MAPKAP1: variants seen among roughly 807,000 people sequenced by gnomAD.
MAPKAP1 encodes target of rapamycin complex 2 subunit MAPKAP1.
In MAPKAP1, 20 loss-of-function variants were observed where a neutral mutation model predicts 65.7. That is an observed-to-expected ratio of 0.30 (90% confidence interval 0.21 to 0.44). The LOEUF is 0.44. Ranked by LOEUF, MAPKAP1 falls within the 20% of genes least tolerant of loss-of-function variation. The probability of loss-of-function intolerance (pLI) is 1.00; values close to 1 mark genes in which losing one functional copy is unlikely to be tolerated. For missense variants in MAPKAP1, 423 were observed against 648.0 expected (o/e 0.65, Z 3.77); for synonymous variants, 222 against 244.3 (o/e 0.91, Z 0.85).
chr9:125,571,424 TG>T (rs1214644599), intron 5 of MAPKAP1, among the ~76,000 whole-genome samples: 7 of 152,316 alleles, frequency 4.6e-5, no homozygotes, highest in African/African-American at 1.7e-4. Context: ...CTTTGGAAAT[TG>T]TAAGATTAGA....
At chr9:125,617,296 C>CA (rs1176587015) in intron 4 of MAPKAP1, among the ~76,000 whole-genome samples, 1 of 152,068 alleles carries the variant, frequency 6.6e-6, no homozygotes, top group East Asian at 1.9e-4. Flanking sequence ...CCTGTTGCTA[C>CA]AAAATTTTTT....
At chr9:125,690,589 C>A (rs1037232142) in intron 1 of MAPKAP1, among the ~76,000 whole-genome samples, 1 of 152,216 alleles carries the variant, frequency 6.6e-6, no homozygotes, top group African/African-American at 2.4e-5. Context: ...TGAATTAATA[C>A]ATGTTATGTG....
intron 7 of MAPKAP1, among the ~76,000 whole-genome samples, chr9:125,530,876 T>G (rs1384080501): frequency 6.6e-6 from 1 of 152,252 alleles, no homozygotes; most frequent in African/African-American, 2.4e-5. Context: ...GTGCCTGGCA[T>G]GATAGTGGCA....
intron 6 of MAPKAP1, among the ~76,000 whole-genome samples, chr9:125,556,526 G>T (rs142205160): frequency 6.6e-6 from 1 of 152,198 alleles, no homozygotes; most frequent in African/African-American, 2.4e-5. Context: ...TTGGGATTAA[G>T]TGAGATAGCA....
chr9:125,706,143 G>A (rs1330287823), intron 1 of MAPKAP1, among the ~76,000 whole-genome samples: 2 of 152,116 alleles, frequency 1.3e-5, no homozygotes, highest in Non-Finnish European at 2.9e-5. Flanking sequence ...TACCTTGTGT[G>A]GGCTCATAAA....
At chr9:125,680,487 CA>C (rs1196021364) in intron 1 of MAPKAP1, among the ~76,000 whole-genome samples, 1 of 152,078 alleles carries the variant, frequency 6.6e-6, no homozygotes, top group Non-Finnish European at 1.5e-5. Flanking sequence ...TTTGGACTAG[CA>C]AAAATTGAGC....
chr9:125,631,646 A>T (rs956616609), intron 4 of MAPKAP1, among the ~76,000 whole-genome samples: 2 of 152,208 alleles, frequency 1.3e-5, no homozygotes, highest in Non-Finnish European at 2.9e-5. Flanking sequence ...CCTGCTCCAA[A>T]TACAACTAGC....
intron 6 of MAPKAP1, among the ~76,000 whole-genome samples, chr9:125,553,006 C>T (rs1010945081): frequency 2.6e-5 from 4 of 152,058 alleles, no homozygotes; most frequent in African/African-American, 9.7e-5. Flanking sequence ...CTATATATAT[C>T]TATATGTGCT....
chr9:125,502,931 T>G lies in MAPKAP1; in HGVS notation c.1066+3379A>C, dbSNP rs527835200. 7.1e-4 allele frequency among the ~76,000 whole-genome samples: 80 copies of G among 112,970 alleles called. 2 individuals are homozygous for G. The South Asian group carries it at 0.023, about 33-fold the overall frequency. The allele number at this position is 112,970 out of a possible 152,430, so 74.1% of individuals were successfully genotyped here. A position where few individuals can be genotyped will look rare whatever the true frequency, so the allele number is the denominator to read the frequency against. On this transcript the variant is annotated intron_variant, in intron 8 of 11. Transcript: ENST00000265960. ...ATATTTTTCTTAGTAATTCTTCAGTTTTGTATTATATATTTTGAGCATATA... is the reference window on the plus strand; with the variant it reads ...ATATTTTTCTTAGTAATTCTTCAGTGTTGTATTATATATTTTGAGCATATA...
intron 6 of MAPKAP1, among the ~76,000 whole-genome samples, chr9:125,547,641 CAG>C (rs1830466196): frequency 6.6e-6 from 1 of 152,206 alleles, no homozygotes; most frequent in East Asian, 1.9e-4. Context: ...GCCTCCTAAG[CAG>C]AGACTGCTTA....
intron 10 of MAPKAP1, among the ~76,000 whole-genome samples, chr9:125,461,411 A>G (rs759604724): frequency 6.6e-6 from 1 of 152,202 alleles, no homozygotes; most frequent in Non-Finnish European, 1.5e-5. Context: ...CACCTCATCA[A>G]TCACACTATT....
intron 4 of MAPKAP1, among the ~76,000 whole-genome samples, chr9:125,612,136 T>C (rs770530372): frequency 6.6e-6 from 1 of 152,222 alleles, no homozygotes; most frequent in African/African-American, 2.4e-5. Flanking sequence ...TGTTATTTTT[T>C]GATACATGAG....
intron 3 of MAPKAP1, among the ~76,000 whole-genome samples, chr9:125,666,006 T>C (rs1460458948): frequency 6.6e-6 from 1 of 152,208 alleles, no homozygotes; most frequent in Non-Finnish European, 1.5e-5. Flanking sequence ...ACAGGAGTTA[T>C]GAAAGAAATA....
At chr9:125,515,675 G>A (rs951763766) in intron 7 of MAPKAP1, among the ~76,000 whole-genome samples, 4 of 152,220 alleles carry the variant, frequency 2.6e-5, no homozygotes, top group Non-Finnish European at 4.4e-5. Context: ...AACTAAGTTC[G>A]GCCCTGGCCA....
At chr9:125,703,769 C>CAAAAA (rs1212274126) in intron 1 of MAPKAP1, among the ~76,000 whole-genome samples, 1 of 61,650 alleles carries the variant, frequency 1.6e-5, no homozygotes. Flanking sequence ...AAGACTGTCT[C>CAAAAA]AAAAAAAAAA....
At chr9:125,693,440 TATAC>T (rs1459090726) in intron 1 of MAPKAP1, among the ~76,000 whole-genome samples, 8 of 148,058 alleles carry the variant, frequency 5.4e-5, no homozygotes, top group East Asian at 2.0e-4. Flanking sequence ...TATATATATA[TATAC>T]ACACACACAC....
intron 8 of MAPKAP1, among the ~76,000 whole-genome samples, chr9:125,493,404 GGTAA>G (rs1326220219): frequency 1.3e-5 from 2 of 152,128 alleles, no homozygotes; most frequent in Non-Finnish European, 2.9e-5. Context: ...AGGTTCTTCT[GGTAA>G]GTATCTTACA....
chr9:125,648,237 C>A (rs1226209134), intron 4 of MAPKAP1, among the ~76,000 whole-genome samples: 6 of 152,318 alleles, frequency 3.9e-5, no homozygotes, highest in African/African-American at 1.4e-4. Context: ...CACTTTCTCT[C>A]TCTCAGCCTG....
At chr9:125,651,655 G>A (rs183234349) in intron 4 of MAPKAP1, among the ~76,000 whole-genome samples, 3 of 152,218 alleles carry the variant, frequency 2.0e-5, no homozygotes, top group Admixed American at 2.0e-4. Flanking sequence ...CTGAACAACT[G>A]AGACGAACAG....
Sources: allele counts gnomAD v4.1 joint callset (sites outside exome capture counted in the v4.1 genomes callset), GRCh38; gene constraint gnomAD v4.1.1; transcripts MANE v1.5; gene names NCBI Gene and HGNC (gene_info 2026-07-23, HGNC 2026-07-21).